FAT3: variants seen among roughly 807,000 people sequenced by gnomAD.
The protein encoded by FAT3 is FAT atypical cadherin 3.
Under a neutral mutation model 310.2 loss-of-function variants are expected in FAT3, and 95 were observed. That is an observed-to-expected ratio of 0.31 (90% confidence interval 0.26 to 0.36). The LOEUF (loss-of-function observed/expected upper bound fraction) is 0.36. FAT3 is among the 10% of genes least tolerant of loss of function. The pLI is 1.00. For synonymous variants in FAT3, 2,314 were observed against 2,192.9 expected (o/e 1.06, Z -1.54); for missense variants, 5,408 against 5,715.6 (o/e 0.95, Z 1.74).
chr11:92,311,525 A>G (rs1001274330), intron 1 of FAT3, among the ~76,000 whole-genome samples: 2 of 152,200 alleles, frequency 1.3e-5, no homozygotes, highest in Non-Finnish European at 2.9e-5. Flanking sequence ...ATTTGCTCCA[A>G]AGAGCATGTG....
intron 4 of FAT3, among the ~76,000 whole-genome samples, chr11:92,757,779 C>T (rs192343719): frequency 1.0e-3 from 152 of 152,304 alleles, no homozygotes; most frequent in African/African-American, 3.6e-3. Context: ...ATGAAAAAGA[C>T]AAGGTTCCTG....
At chr11:92,863,117 G>GT (rs896322584) in intron 21 of FAT3, among the ~76,000 whole-genome samples, 1 of 151,976 alleles carries the variant, frequency 6.6e-6, no homozygotes, top group African/African-American at 2.4e-5. Flanking sequence ...TTGTTTGTGG[G>GT]TTTTTTTGTT....
intron 2 of FAT3, among the ~76,000 whole-genome samples, chr11:92,516,300 C>T (rs926335021): frequency 5.3e-5 from 8 of 152,174 alleles, no homozygotes; most frequent in Admixed American, 1.3e-4. Flanking sequence ...ATGATCAAGT[C>T]GGCTTCATCC....
chr11:92,338,796 C>T (rs1457381246), intron 1 of FAT3, among the ~76,000 whole-genome samples: 1 of 152,192 alleles, frequency 6.6e-6, no homozygotes, highest in African/African-American at 2.4e-5. Context: ...GGCCTTGCTA[C>T]ATGCGAACAG....
At chr11:92,412,293 G>C (rs999350577) in intron 2 of FAT3, among the ~76,000 whole-genome samples, 2 of 151,342 alleles carry the variant, frequency 1.3e-5, no homozygotes, top group Non-Finnish European at 2.9e-5. Flanking sequence ...AGTAGAGACA[G>C]TGTTTCACCA....
chr11:92,276,309 C>T (rs1003780027), intron 1 of FAT3, among the ~76,000 whole-genome samples: 1 of 152,100 alleles, frequency 6.6e-6, no homozygotes, highest in African/African-American at 2.4e-5. Flanking sequence ...TAGTTTTAAG[C>T]AGAATTTTAC....
intron 12 of FAT3, among the ~76,000 whole-genome samples, chr11:92,807,521 G>A (rs1055764798): frequency 1.3e-5 from 2 of 152,050 alleles, no homozygotes; most frequent in African/African-American, 4.8e-5. Context: ...CTTGTTTCTC[G>A]TATCTGTAAG....
At chr11:92,630,656 A>T (rs1391990754) in intron 3 of FAT3, among the ~76,000 whole-genome samples, 1 of 152,118 alleles carries the variant, frequency 6.6e-6, no homozygotes, top group African/African-American at 2.4e-5. Context: ...TCCAACATCA[A>T]AGAATTATCA....
Position 92,844,510 on chromosome 11 carries a change from C to A in FAT3, c.11143C>A (p.Pro3715Thr). 1 of 1,613,980 alleles carries A rather than the reference C, an allele frequency of 6.2e-7. No individual in the cohort carries two copies. The highest frequency in any genetic ancestry group is 8.5e-7 in the Non-Finnish European group (1 of 1,179,866). The change falls in exon 19 of 28, where the codon CCA becomes ACA. Residue 3715 changes from proline (P) to threonine (T), a missense_variant. Physicochemically the swap from Pro to Thr is conservative, Grantham distance 38. Around this residue, in one of 5 missense-constraint regions of FAT3, gnomAD observed 4,588 missense variants for 4,809.8 expected, o/e 0.95. Transcript: ENST00000525166. ...VEMHSSEFYK[P>T]AYLIQKLSNA... ...GATGCACAGCAGCGAGTTCTACAAGCCAGCCTACCTGATCCAGAAGCTGTC... is the reference window on the plus strand; with the variant it reads ...GATGCACAGCAGCGAGTTCTACAAGACAGCCTACCTGATCCAGAAGCTGTC...
At chr11:92,836,797 TC>T in intron 16 of FAT3, 94 bp downstream of exon 16, 1 of 1,431,512 alleles carries the variant, frequency 7.0e-7, no homozygotes, top group Non-Finnish European at 9.5e-7. Context: ...AGGAAAGTTC[TC>T]CATTCTAAGT....
At chr11:92,536,745 A>G (rs189508089) in intron 3 of FAT3, among the ~76,000 whole-genome samples, 1 of 152,038 alleles carries the variant, frequency 6.6e-6, no homozygotes, top group African/African-American at 2.4e-5. Context: ...TCATCTGTTG[A>G]TTTCTATATA....
At chr11:92,564,905 A>G (rs1457442926) in intron 3 of FAT3, among the ~76,000 whole-genome samples, 18 of 142,696 alleles carry the variant, frequency 1.3e-4, no homozygotes, top group Admixed American at 2.2e-4. Context: ...AGGGAAATTT[A>G]TAGCACTAAA....
chr11:92,578,881 A>G (rs559742522), intron 3 of FAT3, among the ~76,000 whole-genome samples: 1 of 152,266 alleles, frequency 6.6e-6, no homozygotes, highest in Admixed American at 6.5e-5. Flanking sequence ...ATATCATAAA[A>G]AAAATGCTGG....
In FAT3 at chr11:92,480,040, C is replaced by T. The variant is rs563897869; in HGVS notation, c.3293-44594C>T. Among the ~76,000 whole-genome samples, 9 of 151,932 alleles carry T rather than the reference C, an allele frequency of 5.9e-5. No individual in the cohort carries two copies. The South Asian group carries it at 6.2e-4, about 11-fold the overall frequency. On this transcript the variant is annotated intron_variant, in intron 2 of 27. Coordinates refer to ENST00000525166, the MANE Select transcript of FAT3 (RefSeq NM_001367949.2). The stretch of plus-strand genomic sequence containing the variant: ...CAGCACTTTGGGAGGCTGAGGCAGG[C>T]GGATCACAAGGTCAGAAGATCGAGA...
chr11:92,585,213 A>T (rs1010333805), intron 3 of FAT3, among the ~76,000 whole-genome samples: 1 of 152,052 alleles, frequency 6.6e-6, no homozygotes. Flanking sequence ...TTAGGGCTGG[A>T]TATGATAATA....
chr11:92,584,270 C>T lies in FAT3; in HGVS notation c.3607+59322C>T, dbSNP rs551676679. ...ACTCCCCCAGGGCACAGCAACTTTGCTTTGGCAATAACATTGGTGACTGTA... is the reference window on the plus strand; with the variant it reads ...ACTCCCCCAGGGCACAGCAACTTTGTTTTGGCAATAACATTGGTGACTGTA... On this transcript the variant is annotated intron_variant, in intron 3 of 27. Coordinates refer to ENST00000525166, the MANE Select transcript of FAT3 (RefSeq NM_001367949.2). Among the ~76,000 whole-genome samples the T allele has an allele frequency of 2.0e-5, 3 of 152,130 alleles. No individual in the cohort carries two copies. The South Asian group carries it at 6.2e-4, about 32-fold the overall frequency.
chr11:92,229,821 T>C (rs1006702810), intron 1 of FAT3, among the ~76,000 whole-genome samples: 5 of 141,292 alleles, frequency 3.5e-5, no homozygotes, highest in African/African-American at 1.3e-4. Context: ...TTCTGCTAAG[T>C]GGAAGGGATG....
At chr11:92,518,488 A>T (rs531683641) in intron 2 of FAT3, among the ~76,000 whole-genome samples, 1 of 152,210 alleles carries the variant, frequency 6.6e-6, no homozygotes, top group Admixed American at 6.5e-5. Flanking sequence ...AGGGAGGGTA[A>T]CATCACACAC....
rs1303458972 is a variant in FAT3 at position 92,844,564 on chromosome 11, A to G, written c.11197A>G (p.Met3733Val). Reference sequence around the variant, plus strand: ...TGCTAGAAGACACCTGGAGAATATCATGCGCATCTCAGCCATCTTGGAGAA... The same window carrying G: ...TGCTAGAAGACACCTGGAGAATATCGTGCGCATCTCAGCCATCTTGGAGAA... ...SNARRHLENI[M>V]RISAILEKNC... Residue 3733 changes from methionine (M) to valine (V), a missense_variant, in exon 19 of 28, where the codon ATG becomes GTG. Met to Val is a conservative substitution (Grantham distance 21). Transcript: ENST00000525166. The G allele has an allele frequency of 1.2e-6, 2 of 1,613,572 alleles. No individual in the cohort carries two copies. Among genetic ancestry groups the G allele is most frequent in the Non-Finnish European group, 1.7e-6 (2 of 1,179,614 alleles).
Sources: allele counts gnomAD v4.1 joint callset (sites outside exome capture counted in the v4.1 genomes callset), GRCh38; gene constraint gnomAD v4.1.1; regional missense constraint gnomAD v4.1.1; transcripts MANE v1.5; gene names NCBI Gene and HGNC (gene_info 2026-07-23, HGNC 2026-07-21).